The following FSTL4 variants were observed in gnomAD, a reference collection of about 807,000 sequenced individuals.
FSTL4 encodes follistatin like 4, also known as follistatin-related protein 4.
FSTL4 carries 28 observed loss-of-function variants against 78.2 expected under a neutral mutation model. That is an observed-to-expected ratio of 0.36 (90% confidence interval 0.27 to 0.49). The LOEUF is 0.49. Ranked by LOEUF, FSTL4 falls within the 20% of genes least tolerant of loss-of-function variation. The pLI is 0.98. For synonymous variants in FSTL4, 422 were observed against 440.5 expected (o/e 0.96, Z 0.53); for missense variants, 922 against 1,084.9 (o/e 0.85, Z 2.11).
At chr5:133,442,510 G>GA (rs912034731) in intron 3 of FSTL4, among the ~76,000 whole-genome samples, 25 of 145,450 alleles carry the variant, frequency 1.7e-4, no homozygotes, top group South Asian at 6.5e-4. Flanking sequence ...CAAGGTTAAG[G>GA]AAAAAAAAAA....
chr5:133,823,019 G>A, the FSTL4 span, among the ~76,000 whole-genome samples: 5 of 152,144 alleles, frequency 3.3e-5, no homozygotes, highest in Admixed American at 1.3e-4. Context: ...CATGGGCATG[G>A]AAACAGACCA....
chr5:133,199,124 TC>T lies in FSTL4; in HGVS notation c.2499del (p.Thr834ProfsTer59). ...ACCTCACCCACCCACACCACTGTGG[TC>T]CCCCCCTTTATACCTGACACCTCAC... Reference protein sequence around the residue: ...LRCEVSGIKGGTTVVWVGEV With the variant: ...LRCEVSGIKGXTTVVWVGEV On this transcript the variant is annotated frameshift_variant, in exon 16 of 16. Coordinates refer to ENST00000265342, the MANE Select transcript of FSTL4 (RefSeq NM_015082.2). LOFTEE classifies it high-confidence loss of function. The surrounding 1 kb of genome is among the most constrained non-coding windows in gnomAD (Gnocchi z 4.4). 5.1e-6 allele frequency: 8 copies of T among 1,562,726 alleles called. No homozygotes were observed. Among genetic ancestry groups the T allele is most frequent in the Non-Finnish European group, 7.0e-6 (8 of 1,150,814 alleles).
chr5:133,653,224 A>T, the FSTL4 span, among the ~76,000 whole-genome samples: 2 of 152,204 alleles, frequency 1.3e-5, no homozygotes, highest in African/African-American at 2.4e-5. Flanking sequence ...AGGTGAAGGA[A>T]GGAGAAATTC....
intron 6 of FSTL4, among the ~76,000 whole-genome samples, chr5:133,308,749 C>A (rs1193953608): frequency 6.6e-6 from 1 of 152,220 alleles, no homozygotes; most frequent in Non-Finnish European, 1.5e-5. Context: ...TAGATGAAAA[C>A]ACTGTTTTCC....
intron 3 of FSTL4, among the ~76,000 whole-genome samples, chr5:133,531,990 G>T (rs904605135): frequency 4.6e-5 from 7 of 152,206 alleles, no homozygotes; most frequent in African/African-American, 1.7e-4. Flanking sequence ...CTATACATAT[G>T]TTCTCTTACA....
chr5:133,205,614 T>C (rs1271720145), intron 14 of FSTL4, among the ~76,000 whole-genome samples: 1 of 152,254 alleles, frequency 6.6e-6, no homozygotes, highest in Non-Finnish European at 1.5e-5. Flanking sequence ...CAATGCGCTT[T>C]AATTTGAATT....
At chr5:133,705,049 A>G in the FSTL4 span, among the ~76,000 whole-genome samples, 3 of 152,094 alleles carry the variant, frequency 2.0e-5, no homozygotes, top group Non-Finnish European at 4.4e-5. Flanking sequence ...AAGTTAGTGG[A>G]ATATATGTTT....
intron 3 of FSTL4, among the ~76,000 whole-genome samples, chr5:133,402,161 GCT>G (rs1343478013): frequency 1.3e-5 from 2 of 152,176 alleles, no homozygotes; most frequent in Non-Finnish European, 2.9e-5. Flanking sequence ...GGGCAAGAAG[GCT>G]GAGCCCCTGG....
the FSTL4 span, among the ~76,000 whole-genome samples, chr5:133,682,730 G>C: frequency 1.3e-5 from 2 of 152,218 alleles, no homozygotes; most frequent in African/African-American, 4.8e-5. Flanking sequence ...AGGGCTGGTG[G>C]GTGGGGTGGC....
At chr5:133,455,478 CATAT>C (rs5871488) in intron 3 of FSTL4, among the ~76,000 whole-genome samples, 14 of 150,600 alleles carry the variant, frequency 9.3e-5, no homozygotes, top group African/African-American at 1.5e-4. Flanking sequence ...GTTTTTTAAG[CATAT>C]ATATATATAT....
At chr5:133,422,023 G>T (rs1453744064) in intron 3 of FSTL4, among the ~76,000 whole-genome samples, 1 of 152,200 alleles carries the variant, frequency 6.6e-6, no homozygotes, top group African/African-American at 2.4e-5. Context: ...CAGCCTTTCA[G>T]CATGGAGTGA....
At chr5:133,218,090 T>G (rs911684653) in intron 12 of FSTL4, among the ~76,000 whole-genome samples, 5 of 152,186 alleles carry the variant, frequency 3.3e-5, no homozygotes, top group African/African-American at 1.2e-4. Context: ...TAGCTCCACT[T>G]GGTTGTTCAA....
At chr5:133,568,697 T>G (rs1230960123) in intron 2 of FSTL4, among the ~76,000 whole-genome samples, 1 of 152,156 alleles carries the variant, frequency 6.6e-6, no homozygotes, top group African/African-American at 2.4e-5. Flanking sequence ...CAGAGCGTAT[T>G]TTGCACAAAA....
At chr5:133,785,171 G>C in the FSTL4 span, among the ~76,000 whole-genome samples, 172 of 152,254 alleles carry the variant, frequency 1.1e-3, no homozygotes, top group Non-Finnish European at 1.6e-3. Context: ...ACCATGCTGG[G>C]CTTACCCACT....
chr5:133,516,002 C>G (rs893041603), intron 3 of FSTL4, among the ~76,000 whole-genome samples: 5 of 151,828 alleles, frequency 3.3e-5, no homozygotes, highest in African/African-American at 7.3e-5. Flanking sequence ...TAAATAAAAA[C>G]CTTAAGTAAA....
intron 3 of FSTL4, among the ~76,000 whole-genome samples, chr5:133,510,177 A>G (rs1758697858): frequency 6.6e-6 from 1 of 152,218 alleles, no homozygotes; most frequent in Non-Finnish European, 1.5e-5. Flanking sequence ...TAATTTGTCT[A>G]AGGTCACAGA....
chr5:133,489,163 A>C (rs556663208), intron 3 of FSTL4, among the ~76,000 whole-genome samples: 1 of 152,318 alleles, frequency 6.6e-6, no homozygotes, highest in African/African-American at 2.4e-5. Context: ...GGACCTCTGA[A>C]GTGATAGGGC....
At chr5:133,337,606 G>A (rs1754493370) in intron 4 of FSTL4, among the ~76,000 whole-genome samples, 1 of 152,180 alleles carries the variant, frequency 6.6e-6, no homozygotes, top group Admixed American at 6.5e-5. Flanking sequence ...GAGGGAGTTG[G>A]CTGGCTTGAA....
At chr5:133,535,855 G>A (rs1421389084) in intron 3 of FSTL4, among the ~76,000 whole-genome samples, 1 of 152,212 alleles carries the variant, frequency 6.6e-6, no homozygotes, top group African/African-American at 2.4e-5. Flanking sequence ...TGGACTGAAG[G>A]AAGTGAAGAG....
Sources: gnomAD v4.1 joint callset for allele counts (sites outside exome capture counted in the v4.1 genomes callset) on GRCh38, gnomAD v4.1.1 for gene constraint, Gnocchi (gnomAD v3.1) non-coding constraint, MANE v1.5 for transcripts, NCBI Gene and HGNC (gene_info 2026-07-23, HGNC 2026-07-21) for gene names.